The following RANBP2 variants were observed in gnomAD, a reference collection of about 807,000 sequenced individuals.
RANBP2 encodes RAN binding protein 2, also known as E3 SUMO-protein ligase RanBP2.
A neutral mutation model predicts 303.6 loss-of-function variants in RANBP2; 57 were observed. The observed-to-expected ratio is 0.19, with a 90% CI of 0.15 to 0.23. The LOEUF is 0.23. RANBP2 is among the 10% of genes least tolerant of loss of function. The pLI, the probability that RANBP2 is intolerant of heterozygous loss-of-function variation, is 1.00. For missense variants in RANBP2, 3,138 were observed against 3,780.8 expected (o/e 0.83, Z 4.46); for synonymous variants, 1,167 against 1,301.5 (o/e 0.90, Z 2.23).
Position 108,765,604 on chromosome 2 carries a change from C to T in RANBP2, c.5065C>T (p.Gln1689Ter). The change falls in exon 20 of 29, where the codon CAG becomes TAG. Residue 1689 changes from glutamine to a stop codon, truncating the protein, a stop_gained. Coordinates refer to ENST00000283195, the MANE Select transcript of RANBP2 (RefSeq NM_006267.5). LOFTEE classifies it high-confidence loss of function. Reference protein sequence around the residue: ...EASATKCIACQNPGKQNQTTS... With the variant: ...EASATKCIAC ...CAGTGCTACCAAATGTATTGCTTGT[C>T]AGAATCCAGGTAAACAAAATCAAAC... 1 of 1,430,540 alleles carries T rather than the reference C, an allele frequency of 7.0e-7. No individual in the cohort carries two copies. The highest frequency in any genetic ancestry group is 9.5e-7 in the Non-Finnish European group (1 of 1,052,594). The allele number at this position is 1,430,540 out of a possible 1,614,324, so 88.6% of individuals were successfully genotyped here. A position where few individuals can be genotyped will look rare whatever the true frequency, so the allele number is the denominator to read the frequency against.
chr2:109,056,936 T>G, the RANBP2 span, among the ~76,000 whole-genome samples: 3 of 152,218 alleles, frequency 2.0e-5, no homozygotes, highest in Non-Finnish European at 4.4e-5. Flanking sequence ...CTGAAGTTGC[T>G]GGTAGGAGGC....
At chr2:109,228,899 A>C in the RANBP2 span, among the ~76,000 whole-genome samples, 2 of 152,186 alleles carry the variant, frequency 1.3e-5, no homozygotes, top group Middle Eastern at 3.2e-3. Flanking sequence ...CACAATATCC[A>C]GCCCCTCTGC....
intron 25 of RANBP2, among the ~76,000 whole-genome samples, chr2:108,779,574 T>G (rs1678101811): frequency 6.6e-6 from 1 of 152,182 alleles, no homozygotes; most frequent in South Asian, 2.1e-4. Flanking sequence ...CCTGTGACAT[T>G]TTTTCTTTTT....
At chr2:109,493,005 C>A in the RANBP2 span, among the ~76,000 whole-genome samples, 5 of 152,192 alleles carry the variant, frequency 3.3e-5, no homozygotes, top group East Asian at 9.6e-4. Context: ...ACTGTGCAAA[C>A]ATACACTCAC....
the RANBP2 span, among the ~76,000 whole-genome samples, chr2:109,473,600 A>C: frequency 6.6e-6 from 1 of 152,186 alleles, no homozygotes; most frequent in African/African-American, 2.4e-5. Context: ...ATGGTTTCTG[A>C]ATGGGACCTA....
chr2:109,309,394 A>G, the RANBP2 span, among the ~76,000 whole-genome samples: 1 of 145,084 alleles, frequency 6.9e-6, no homozygotes, highest in East Asian at 2.0e-4. Context: ...CTGCTGCAAA[A>G]TCATGCCAAA....
At chr2:109,249,587 T>TCTTC in the RANBP2 span, among the ~76,000 whole-genome samples, 16 of 135,904 alleles carry the variant, frequency 1.2e-4, no homozygotes, top group African/African-American at 4.5e-4. Context: ...TTCCTTCCTT[T>TCTTC]CCTTTCTTTC....
At chr2:109,612,722 C>T in the RANBP2 span, among the ~76,000 whole-genome samples, 1 of 152,322 alleles carries the variant, frequency 6.6e-6, no homozygotes, top group Admixed American at 6.5e-5. Context: ...CTCACTCACA[C>T]ATGCACACAA....
the RANBP2 span, among the ~76,000 whole-genome samples, chr2:108,796,471 C>G: frequency 6.6e-6 from 1 of 152,174 alleles, no homozygotes; most frequent in Non-Finnish European, 1.5e-5. Flanking sequence ...CCAGCAATCC[C>G]ACTCCTGGGT....
chr2:109,472,283 G>A, the RANBP2 span, among the ~76,000 whole-genome samples: 3 of 151,894 alleles, frequency 2.0e-5, no homozygotes, highest in Non-Finnish European at 4.4e-5. Flanking sequence ...CCAGGAAGAC[G>A]GTGGCAGGAG....
At chr2:109,521,094 G>C in the RANBP2 span, among the ~76,000 whole-genome samples, 1 of 152,020 alleles carries the variant, frequency 6.6e-6, no homozygotes, top group Non-Finnish European at 1.5e-5. Flanking sequence ...GCGGGCACCT[G>C]TAGTCCCAGC....
chr2:109,147,940 T>G, the RANBP2 span, among the ~76,000 whole-genome samples: 1 of 152,236 alleles, frequency 6.6e-6, no homozygotes, highest in Non-Finnish European at 1.5e-5. Context: ...ATGAAGAGTT[T>G]TGGGGACTAG....
chr2:109,564,104 C>T, the RANBP2 span: 5 of 331,748 alleles, frequency 1.5e-5, no homozygotes, highest in African/African-American at 1.1e-4. Flanking sequence ...TCAGCATGAA[C>T]TGAAACAGGG....
At chr2:109,300,569 G>C in the RANBP2 span, among the ~76,000 whole-genome samples, 1 of 152,112 alleles carries the variant, frequency 6.6e-6, no homozygotes, top group African/African-American at 2.4e-5. Flanking sequence ...TTTTCCATAG[G>C]GGATGGTTAG....
At chr2:109,364,349 C>T in the RANBP2 span, among the ~76,000 whole-genome samples, 2 of 152,178 alleles carry the variant, frequency 1.3e-5, no homozygotes, top group Non-Finnish European at 2.9e-5. Context: ...TTTATCTTTG[C>T]TTACATCACC....
the RANBP2 span, among the ~76,000 whole-genome samples, chr2:109,691,247 A>G: frequency 6.6e-6 from 1 of 152,194 alleles, no homozygotes; most frequent in Non-Finnish European, 1.5e-5. Context: ...GCTGTGGACT[A>G]TTGGGAGAGA....
the RANBP2 span, chr2:109,585,866 A>G: frequency 1.9e-6 from 3 of 1,573,574 alleles, no homozygotes; most frequent in Non-Finnish European, 2.6e-6. Context: ...CAAAAACAAC[A>G]GCAATAAAAA....
the RANBP2 span, among the ~76,000 whole-genome samples, chr2:109,478,026 T>C: frequency 6.6e-5 from 10 of 152,298 alleles, no homozygotes; most frequent in Admixed American, 5.2e-4. Flanking sequence ...CTGGAATGAT[T>C]AGAAAGCTGA....
At chr2:108,964,636 G>T in the RANBP2 span, among the ~76,000 whole-genome samples, 1 of 152,190 alleles carries the variant, frequency 6.6e-6, no homozygotes, top group Admixed American at 6.5e-5. Context: ...AGCAAATGGA[G>T]CAGCAAATAG....
Sources: allele counts gnomAD v4.1 joint callset (sites outside exome capture counted in the v4.1 genomes callset), GRCh38; gene constraint gnomAD v4.1.1; transcripts MANE v1.5; gene names NCBI Gene and HGNC (gene_info 2026-07-23, HGNC 2026-07-21).